Variants in C5orf34 observed in about 807,000 individuals in gnomAD.
The protein encoded by C5orf34 is chromosome 5 open reading frame 34, also known as uncharacterized protein C5orf34.
In C5orf34, 73 loss-of-function variants were observed where a neutral mutation model predicts 78.4. That is an observed-to-expected ratio of 0.93 (90% CI 0.77 to 1.13). C5orf34 has a LOEUF of 1.13. Among genes scored for constraint, C5orf34 ranks in the 50% most tolerant of loss-of-function variants. C5orf34 has a pLI of 0.00. For synonymous variants in C5orf34, 251 were observed against 246.6 expected (o/e 1.02, Z -0.17); for missense variants, 730 against 732.7 (o/e 1.00, Z 0.04).
Position 43,506,221 on chromosome 5 carries a change from C to G in C5orf34, c.459G>C (p.Gln153His). 1 of 1,614,184 alleles carries G rather than the reference C, an allele frequency of 6.2e-7. No individual in the cohort carries two copies. Among genetic ancestry groups the G allele is most frequent in the South Asian group, 1.1e-5 (1 of 91,074 alleles). ...FTVHFLCKVS[Q>H]KSDSSAVLSE... is the part of the protein sequence containing the mutation. ...ACAACACTGCAGATGAGTCTGACTT[C>G]TGGCTAACTTTACACAAAAAATGTA... The change falls in exon 4 of 13, where the codon CAG (glutamine) becomes CAC (histidine). Residue 153 changes from glutamine (Q) to histidine (H), a missense_variant. Gln to His is a conservative substitution (Grantham distance 24). Coordinates refer to ENST00000306862, the MANE Select transcript of C5orf34 (RefSeq NM_198566.4).
chr5:43,508,586 T>C lies in C5orf34; in HGVS notation c.276A>G (p.Glu92=), dbSNP rs373474338. The change falls in exon 3 of 13, where the codon GAA becomes GAG. Residue 92 remains glutamate (E), a synonymous_variant. Coordinates refer to ENST00000306862, the MANE Select transcript of C5orf34 (RefSeq NM_198566.4). ...PFLSETIIPS[E]RKKHIFIDIT... ...AAGTTAAAAAAATCACCTTTTTTCT[T>C]TCAGAAGGTATGATGGTTTCAGATA... is the stretch of plus-strand genomic sequence containing the variant. The C allele has an allele frequency of 1.5e-4, 240 of 1,594,050 alleles. No homozygotes were observed. Among genetic ancestry groups the C allele is most frequent in the Non-Finnish European group, 2.0e-4 (228 of 1,166,230 alleles).
In C5orf34 at chr5:43,492,713, T is replaced by C. The variant is rs753546523; in HGVS notation, c.1485+7A>G. On this transcript the variant is annotated splice_region_variant and intron_variant, in intron 9 of 12. Coordinates refer to ENST00000306862, the MANE Select transcript of C5orf34 (RefSeq NM_198566.4). Reference sequence around the variant, plus strand: ...AAAAAATAGATCTAAGTCTGAAGTATACCCACCTGTCTCTTCTCAATAGGA... The same window carrying C: ...AAAAAATAGATCTAAGTCTGAAGTACACCCACCTGTCTCTTCTCAATAGGA... The C allele has an allele frequency of 1.9e-6, 3 of 1,607,788 alleles. No homozygotes were observed. Among genetic ancestry groups the C allele is most frequent in the Non-Finnish European group, 1.7e-6 (2 of 1,176,544 alleles).
rs560841945 is a variant in C5orf34, at chr5:43,495,546, C to T, written c.1153-945G>A. On this transcript the variant is annotated intron_variant, in intron 6 of 12. Coordinates refer to ENST00000306862, the MANE Select transcript of C5orf34 (RefSeq NM_198566.4). ...TTGACATTGAAGCCCACATTGTCCC[C>T]AGGAAGAGCTTCACTCAAAGCTTCA... 432 of 1,612,022 alleles carry T rather than the reference C, an allele frequency of 2.7e-4. 5 individuals carry two copies. In the South Asian group the frequency reaches 4.6e-3, roughly 17 times the overall value.
intron 1 of C5orf34, chr5:43,514,385 G>A (rs1746395345): frequency 6.6e-6 from 1 of 152,180 alleles, no homozygotes; most frequent in South Asian, 2.1e-4. Flanking sequence ...TATCGGGTAT[G>A]TCTACTTGGT....
Position 43,493,589 on chromosome 5 carries a change from A to T in C5orf34, c.1268T>A (p.Met423Lys). The change falls in exon 8 of 13, where the codon ATG becomes AAG. Residue 423 changes from methionine (M) to lysine (K), a missense_variant. Coordinates refer to ENST00000306862, the MANE Select transcript of C5orf34 (RefSeq NM_198566.4). Reference protein sequence around the residue: ...ATRILQHCVKMRLSLSHNYRI... With the variant: ...ATRILQHCVKKRLSLSHNYRI... ...ATAGTTATGGCTTAAAGAAAGTCTCATCTTCACACAATGTTGAAGAATTCT... is the reference window on the plus strand; with the variant it reads ...ATAGTTATGGCTTAAAGAAAGTCTCTTCTTCACACAATGTTGAAGAATTCT... 6.3e-7 allele frequency: 1 copy of T among 1,582,680 alleles called. No homozygotes were observed. The highest frequency in any genetic ancestry group is 8.6e-7 in the Non-Finnish European group (1 of 1,162,118).
intron 6 of C5orf34, among the ~76,000 whole-genome samples, chr5:43,498,133 G>T (rs560076302): frequency 6.6e-6 from 1 of 152,264 alleles, no homozygotes; most frequent in East Asian, 1.9e-4. Flanking sequence ...TGTTTTCCCT[G>T]TTAGAATGCA....
chr5:43,507,088 G>C (rs1226111174), intron 3 of C5orf34, among the ~76,000 whole-genome samples: 1 of 152,060 alleles, frequency 6.6e-6, no homozygotes, highest in African/African-American at 2.4e-5. Context: ...GGTAGTACCT[G>C]GCACACCATA....
intron 6 of C5orf34, among the ~76,000 whole-genome samples, chr5:43,501,510 G>A (rs7717171): frequency 0.98 from 149,011 of 152,330 alleles, 72,974 homozygotes; most frequent in Middle Eastern, 1. Flanking sequence ...AATATATACT[G>A]AAGTATTTAT....
rs1483755510 is a variant in C5orf34, at chr5:43,494,617, A to T, written c.1153-16T>A. ...TCTCTTCTCTCTGAAAATTAGTTAA[A>T]ATGAAAAATTTCATTAATAATAAAT... On this transcript the variant is annotated splice_polypyrimidine_tract_variant and intron_variant, in intron 6 of 12. Transcript: ENST00000306862. 6.6e-7 allele frequency: 1 copy of T among 1,513,774 alleles called. No individual in the cohort carries two copies. Among genetic ancestry groups the T allele is most frequent in the Non-Finnish European group, 9.1e-7 (1 of 1,101,796 alleles). The allele number at this position is 1,513,774 out of a possible 1,614,324, so 93.8% of individuals were successfully genotyped here.
intron 6 of C5orf34, among the ~76,000 whole-genome samples, chr5:43,498,936 C>T (rs965368374): frequency 6.6e-6 from 1 of 152,218 alleles, no homozygotes; most frequent in Non-Finnish European, 1.5e-5. Flanking sequence ...ATTTTCACTT[C>T]CTTCAACACT....
intron 1 of C5orf34, among the ~76,000 whole-genome samples, chr5:43,509,768 T>C (rs1177350337): frequency 6.6e-6 from 1 of 152,042 alleles, no homozygotes; most frequent in Non-Finnish European, 1.5e-5. Flanking sequence ...TTTTTTGTTT[T>C]TTTTTGAGAT....
chr5:43,496,667 G>A (rs1745544771), intron 6 of C5orf34, among the ~76,000 whole-genome samples: 1 of 141,954 alleles, frequency 7.0e-6, no homozygotes, highest in Admixed American at 7.3e-5. Context: ...ACAGCTCACT[G>A]CAGCCTCTGT....
In C5orf34 at chr5:43,502,445, G is replaced by A; in HGVS notation, c.1079C>T (p.Ser360Phe). Residue 360 changes from serine (S) to phenylalanine (F), a missense_variant, in exon 6 of 13, where the codon TCT (serine) becomes TTT (phenylalanine). Coordinates refer to ENST00000306862, the MANE Select transcript of C5orf34 (RefSeq NM_198566.4). ...ATAAGCCCCTTCTGATTTGAAAACA[G>A]ATCCATCCCCAGAATAAATCTCTAT... ...NSIEIYSGDG[S>F]VFKSEGAYFG... 1.3e-6 allele frequency: 2 copies of A among 1,585,270 alleles called. No individual in the cohort carries two copies. Among genetic ancestry groups the A allele is most frequent in the Non-Finnish European group, 1.7e-6 (2 of 1,154,680 alleles).
intron 4 of C5orf34, 92 bp downstream of exon 4, chr5:43,505,656 C>A: frequency 7.5e-7 from 1 of 1,341,584 alleles, no homozygotes; most frequent in South Asian, 1.7e-5. Flanking sequence ...GATAAACTTT[C>A]CTTGTGAATG....
intron 6 of C5orf34, chr5:43,495,195 G>T (rs1292682836): frequency 5.6e-6 from 9 of 1,611,302 alleles, no homozygotes; most frequent in Middle Eastern, 4.5e-4. Context: ...ACAGCAAAAT[G>T]ACCCAAAGGT....
rs1745475177 is a variant in C5orf34, at chr5:43,495,562, C to G, written c.1153-961G>C. ...CATTGTCCCCAGGAAGAGCTTCACTCAAAGCTTCATGGTGCATTTCGACAG... is the reference window on the plus strand; with the variant it reads ...CATTGTCCCCAGGAAGAGCTTCACTGAAAGCTTCATGGTGCATTTCGACAG... On this transcript the variant is annotated intron_variant, in intron 6 of 12. Coordinates refer to ENST00000306862, the MANE Select transcript of C5orf34 (RefSeq NM_198566.4). The G allele has an allele frequency of 4.3e-6, 7 of 1,612,496 alleles. No individual in the cohort carries two copies. The African/African-American group carries it at 6.7e-5, about 15-fold the overall frequency.
intron 11 of C5orf34, among the ~76,000 whole-genome samples, chr5:43,489,072 C>A (rs1459815249): frequency 6.6e-6 from 1 of 152,006 alleles, no homozygotes; most frequent in Non-Finnish European, 1.5e-5. Flanking sequence ...CCCCAACAAC[C>A]AGCTGATTGT....
At chr5:43,494,951 T>A (rs1745438837) in intron 6 of C5orf34, 5 of 810,572 alleles carry the variant, frequency 6.2e-6, no homozygotes, top group Admixed American at 4.6e-5. Flanking sequence ...GGTTTTACGA[T>A]GCATTGTTAT....
intron 4 of C5orf34, 86 bp from the exon 5 acceptor site, chr5:43,503,846 G>A (rs1745866748): frequency 6.2e-6 from 5 of 803,940 alleles, no homozygotes; most frequent in South Asian, 1.5e-5. Flanking sequence ...TACTGTAACA[G>A]GATTAATTTC....
Sources: allele counts gnomAD v4.1 joint callset (sites outside exome capture counted in the v4.1 genomes callset), GRCh38; gene constraint gnomAD v4.1.1; transcripts MANE v1.5; gene names NCBI Gene and HGNC (gene_info 2026-07-23, HGNC 2026-07-21).